DLG2: variants seen among roughly 807,000 people sequenced by gnomAD.
DLG2 encodes disks large homolog 2.
A neutral mutation model predicts 132.5 loss-of-function variants in DLG2; 45 were observed. That is an observed-to-expected ratio of 0.34 (90% confidence interval 0.27 to 0.44). The LOEUF is 0.44. Ranked by LOEUF, DLG2 falls within the 20% of genes least tolerant of loss-of-function variation. The pLI is 1.00. For synonymous variants in DLG2, 424 were observed against 419.6 expected (o/e 1.01, Z -0.13); for missense variants, 1,045 against 1,196.9 (o/e 0.87, Z 1.87).
Position 84,005,063 on chromosome 11 carries a change from A to G in DLG2, c.920-24421T>C, listed in dbSNP as rs551631613. On this transcript the variant is annotated intron_variant, in intron 11 of 27. Transcript: ENST00000376104. Reference sequence around the variant, plus strand: ...AACAACAAAACAAAACAAAACACAAAAACAAACAAACAAAAAACAAAGCTG... The same window carrying G: ...AACAACAAAACAAAACAAAACACAAGAACAAACAAACAAAAAACAAAGCTG... 1.7e-3 allele frequency among the ~76,000 whole-genome samples: 248 copies of G among 148,578 alleles called. 1 individual carries two copies. The highest frequency in any genetic ancestry group is 6.0e-3 in the African/African-American group (230 of 38,240).
chr11:85,354,436 T>G (rs1225130822), intron 3 of DLG2, among the ~76,000 whole-genome samples: 1 of 152,120 alleles, frequency 6.6e-6, no homozygotes, highest in Non-Finnish European at 1.5e-5. Flanking sequence ...CCTATAAATT[T>G]TCACAATGTC....
At chr11:85,142,832 T>G (rs2076586881) in intron 5 of DLG2, among the ~76,000 whole-genome samples, 1 of 151,864 alleles carries the variant, frequency 6.6e-6, no homozygotes. Flanking sequence ...TTATCCTTCA[T>G]TCGGTCAATA....
chr11:83,745,148 C>T (rs921452), intron 18 of DLG2, among the ~76,000 whole-genome samples: 20,322 of 152,130 alleles, frequency 0.13, 1,574 homozygotes, highest in South Asian at 0.2. Flanking sequence ...GTTCTTTTTA[C>T]AGGATTTAAA....
At chr11:84,145,871 A>C (rs2095060659) in intron 9 of DLG2, among the ~76,000 whole-genome samples, 1 of 152,162 alleles carries the variant, frequency 6.6e-6, no homozygotes, top group South Asian at 2.1e-4. Flanking sequence ...TATGTTTACT[A>C]GGCACTTCTC....
At chr11:83,610,960 C>G (rs2060029684) in intron 19 of DLG2, among the ~76,000 whole-genome samples, 1 of 152,086 alleles carries the variant, frequency 6.6e-6, no homozygotes, top group Non-Finnish European at 1.5e-5. Flanking sequence ...TATCAAAGAA[C>G]CTCATCTTTT....
intron 7 of DLG2, among the ~76,000 whole-genome samples, chr11:84,502,230 CCTTCCT>C (rs2099213330): frequency 9.0e-5 from 2 of 22,204 alleles, no homozygotes; most frequent in Non-Finnish European, 8.0e-5. Flanking sequence ...TTCCTTCCTT[CCTTCCT>C]TCCTTCCTTC....
At chr11:84,906,248 T>G (rs1196332387) in intron 6 of DLG2, among the ~76,000 whole-genome samples, 2 of 151,398 alleles carry the variant, frequency 1.3e-5, no homozygotes, top group Middle Eastern at 3.4e-3. Context: ...TGTTTTTTTT[T>G]TTTTTACATC....
rs531727743 is a variant in DLG2, at chr11:84,188,098, A to G, written c.574-24587T>C. 9.1e-4 allele frequency among the ~76,000 whole-genome samples: 139 copies of G among 152,268 alleles called. 4 individuals are homozygous for G. The South Asian group carries it at 0.027, about 30-fold the overall frequency. On this transcript the variant is annotated intron_variant, in intron 8 of 27. Transcript: ENST00000376104. ...AAAGTTGCCTCTATCCAAATATGCAAAGTGGTCTTATGAAAAATAACATTT... is the reference window on the plus strand; with the variant it reads ...AAAGTTGCCTCTATCCAAATATGCAGAGTGGTCTTATGAAAAATAACATTT...
chr11:85,012,798 T>G (rs1385974471), intron 6 of DLG2, among the ~76,000 whole-genome samples: 1 of 152,146 alleles, frequency 6.6e-6, no homozygotes, highest in Non-Finnish European at 1.5e-5. Context: ...GCTAAAGTGA[T>G]TTTAAGAAAA....
intron 6 of DLG2, among the ~76,000 whole-genome samples, chr11:84,666,045 A>G (rs1009444969): frequency 1.8e-4 from 27 of 152,146 alleles, no homozygotes; most frequent in African/African-American, 6.3e-4. Flanking sequence ...TATAGGCATC[A>G]CTAGGAATTC....
intron 6 of DLG2, among the ~76,000 whole-genome samples, chr11:85,102,584 T>G (rs2071051462): frequency 6.6e-6 from 1 of 151,926 alleles, no homozygotes; most frequent in African/African-American, 2.4e-5. Flanking sequence ...CAAACAAAAA[T>G]TCCCCTTTCA....
At chr11:83,485,900 G>T (rs562311058) in intron 21 of DLG2, among the ~76,000 whole-genome samples, 1 of 152,190 alleles carries the variant, frequency 6.6e-6, no homozygotes, top group Non-Finnish European at 1.5e-5. Context: ...TTTCAGCAAA[G>T]TAGTAGAGCT....
At chr11:85,294,469 A>T (rs1413701463) in intron 3 of DLG2, among the ~76,000 whole-genome samples, 1 of 152,114 alleles carries the variant, frequency 6.6e-6, no homozygotes, top group African/African-American at 2.4e-5. Context: ...AATTACTTGG[A>T]GATAAAAGCA....
chr11:84,165,803 C>A (rs1275048189), intron 8 of DLG2, among the ~76,000 whole-genome samples: 2 of 152,072 alleles, frequency 1.3e-5, no homozygotes, highest in South Asian at 4.2e-4. Context: ...GAGGCTGAGG[C>A]AGAAGAATTG....
At position 83,908,086 on chromosome 11, in the gene DLG2, T is replaced by C. The variant is rs117620864; in HGVS notation, c.1496+22242A>G. ...AACATTGGCATCTCCTGAGAGCTCA[T>C]TGGAAATGTTGCTTCTTATGCACAG... is the stretch of plus-strand genomic sequence containing the variant. On this transcript the variant is annotated intron_variant, in intron 15 of 27. Coordinates refer to ENST00000376104, the MANE Select transcript of DLG2 (RefSeq NM_001142699.3). Among the ~76,000 whole-genome samples, 1,414 of 152,310 alleles carry C rather than the reference T, an allele frequency of 9.3e-3. 13 individuals are homozygous for C. Among genetic ancestry groups the C allele is most frequent in the Non-Finnish European group, 0.015 (1,025 of 68,012 alleles).
chr11:84,746,426 C>G (rs747639012), intron 6 of DLG2, among the ~76,000 whole-genome samples: 1 of 143,456 alleles, frequency 7.0e-6, no homozygotes, highest in Non-Finnish European at 1.5e-5. Context: ...TTTATTTCAG[C>G]TTAGTTTAGA....
chr11:85,309,022 G>A (rs2080145128), intron 3 of DLG2, among the ~76,000 whole-genome samples: 1 of 152,040 alleles, frequency 6.6e-6, no homozygotes, highest in East Asian at 1.9e-4. Flanking sequence ...TCTTGCTTTG[G>A]CCTATAGAAT....
chr11:84,207,808 T>C (rs2096693333), intron 8 of DLG2, among the ~76,000 whole-genome samples: 1 of 152,128 alleles, frequency 6.6e-6, no homozygotes, highest in Non-Finnish European at 1.5e-5. Context: ...AAATGTCTCA[T>C]CAAAAGTCAC....
chr11:85,512,106 T>C (rs1361819011), intron 3 of DLG2, among the ~76,000 whole-genome samples: 1 of 152,064 alleles, frequency 6.6e-6, no homozygotes, highest in African/African-American at 2.4e-5. Context: ...GGAGTGGCTC[T>C]TTTCCCCTGT....
Sources: allele counts gnomAD v4.1 joint callset (sites outside exome capture counted in the v4.1 genomes callset), GRCh38; gene constraint gnomAD v4.1.1; transcripts MANE v1.5; gene names NCBI Gene and HGNC (gene_info 2026-07-23, HGNC 2026-07-21).